Variants in DOC2A observed in about 807,000 individuals in gnomAD.
DOC2A encodes double C2-like domain-containing protein alpha.
Under a neutral mutation model 40.6 loss-of-function variants are expected in DOC2A, and 28 were observed. The ratio of observed to expected loss-of-function variants is 0.69; its 90% CI spans 0.51 to 0.95. The LOEUF (loss-of-function observed/expected upper bound fraction) is 0.95. Among genes scored for constraint, DOC2A ranks in the 40% least tolerant of loss-of-function variants. The pLI, the probability that DOC2A is intolerant of heterozygous loss-of-function variation, is 0.00. For missense variants in DOC2A, 474 were observed against 552.5 expected (o/e 0.86, Z 1.42); for synonymous variants, 241 against 236.9 (o/e 1.02, Z -0.16).
At chr16:30,021,870 AC>A (rs141039739), upstream of DOC2A, among the ~76,000 whole-genome samples, 342 of 133,390 alleles carry the variant, frequency 2.6e-3, no homozygotes, top group East Asian at 4.9e-3. Context: ...TCAGAGAGGA[AC>A]CCCCCCCCCA....
chr16:30,006,580 G>A lies in DOC2A; in HGVS notation c.960+16C>T, dbSNP rs199643195. ...CCTCCCTGGCCTCCCTCCATGTCCC[G>A]TCCCCTCCTGGGTACCTCGTTAAAT... On this transcript the variant is annotated intron_variant, in intron 9 of 10. Transcript: ENST00000350119. The surrounding 1 kb of genome is among the most constrained non-coding windows in gnomAD (Gnocchi z 6.2). The A allele has an allele frequency of 6.1e-5, 99 of 1,613,082 alleles. No individual in the cohort carries two copies. In the Middle Eastern group the frequency reaches 1.3e-3, roughly 21 times the overall value.
chr16:30,021,500 T>G (rs1567289635), upstream of DOC2A: 1 of 151,990 alleles, frequency 6.6e-6, no homozygotes, highest in African/African-American at 2.4e-5. Flanking sequence ...GAAACGGAGG[T>G]GCAGGGAGCG....
chr16:30,011,283 C>T, upstream of DOC2A: 1 of 972,620 alleles, frequency 1.0e-6, no homozygotes, highest in African/African-American at 1.8e-5. Flanking sequence ...CCCACGTGTG[C>T]ACGCTCACAC....
upstream of DOC2A, among the ~76,000 whole-genome samples, chr16:30,013,158 CAAAAAAA>C (rs1171077200): frequency 4.8e-4 from 19 of 39,184 alleles, no homozygotes; most frequent in South Asian, 1.3e-3. Context: ...CCTGTCTCTA[CAAAAAAA>C]AAAAAAAAAA....
rs1340778823 is a variant in DOC2A, at chr16:30,006,940, C to T, written c.723G>A (p.Gln241=). The part of the protein sequence containing the change: ...GISCYLKELE[Q]AEQGQGLLEE... ...CCAGCAGCCCCTGCCCCTGCTCCGC[C>T]TGCTCCAACTGCGGGGCACAGACTC... Residue 241 remains glutamine, a synonymous_variant, in exon 8 of 11, where the codon CAG becomes CAA. Coordinates refer to ENST00000350119, the MANE Select transcript of DOC2A (RefSeq NM_003586.3). The surrounding 1 kb of genome is among the most constrained non-coding windows in gnomAD (Gnocchi z 6.2). The T allele has an allele frequency of 6.2e-7, 1 of 1,613,448 alleles. No homozygotes were observed. Among genetic ancestry groups the T allele is most frequent in the Non-Finnish European group, 8.5e-7 (1 of 1,179,680 alleles).
Position 30,006,048 on chromosome 16 carries a change from A to G in DOC2A, c.*138T>C. ...TCCGCAGCCCCTCATGAGCAGACAGACCCGGGTCACGGAGACTCACAAAAA... is the reference window on the plus strand; with the variant it reads ...TCCGCAGCCCCTCATGAGCAGACAGGCCCGGGTCACGGAGACTCACAAAAA... On this transcript the variant is annotated 3_prime_UTR_variant, in exon 11 of 11. Transcript: ENST00000350119. This position sits in a 1 kb window ranked among gnomAD's most constrained non-coding sequence, Gnocchi z 6.2. 1.0e-6 allele frequency: 1 copy of G among 984,212 alleles called. No individual in the cohort carries two copies. Among genetic ancestry groups the G allele is most frequent in the Non-Finnish European group, 1.5e-6 (1 of 684,624 alleles). The allele number at this position is 984,212 out of a possible 1,614,324, so 61.0% of individuals were successfully genotyped here.
chr16:30,008,853 G>A (rs2070694819), intron 5 of DOC2A, 143 bp downstream of exon 5: 1 of 662,276 alleles, frequency 1.5e-6, no homozygotes. Flanking sequence ...ATTTTGGCCT[G>A]CTGCCAAAGG....
Position 30,009,645 on chromosome 16 carries a change from T to C in DOC2A, c.263-88A>G. ...GGTGGGCACTGGCTCTGTGTGTCTC[T>C]CTCTCTTGCCAGCCCGCGAGTGTGA... On this transcript the variant is annotated intron_variant, in intron 2 of 10. Coordinates refer to ENST00000350119, the MANE Select transcript of DOC2A (RefSeq NM_003586.3). The surrounding 1 kb of genome is among the most constrained non-coding windows in gnomAD (Gnocchi z 4.1). 2.4e-6 allele frequency: 3 copies of C among 1,236,180 alleles called. No individual in the cohort carries two copies. The highest frequency in any genetic ancestry group is 2.3e-6 in the Non-Finnish European group (2 of 870,030). 76.6% of individuals were successfully genotyped at this position (1,236,180 alleles called of 1,614,324 possible).
chr16:30,011,469 C>A (rs1425614565), upstream of DOC2A: 6 of 963,742 alleles, frequency 6.2e-6, no homozygotes, highest in Non-Finnish European at 7.4e-6. Context: ...CGCGCGGCCA[C>A]GGCGCCTCCC....
Position 30,006,491 on chromosome 16 carries a change from C to T in DOC2A, c.979G>A (p.Glu327Lys). The T allele has an allele frequency of 6.2e-7, 1 of 1,613,830 alleles. No individual in the cohort carries two copies. The highest frequency in any genetic ancestry group is 8.5e-7 in the Non-Finnish European group (1 of 1,179,940). Residue 327 changes from glutamate to lysine, a missense_variant, in exon 10 of 11, where the codon GAG becomes AAG. Physicochemically the swap from Glu to Lys is moderately conservative, Grantham distance 56 (BLOSUM62 1). Transcript: ENST00000350119. The surrounding 1 kb of genome is among the most constrained non-coding windows in gnomAD (Gnocchi z 6.2). ...GTCTTGGTGGCCAGAGTGGAGAGCT[C>T]TATCTCGTAGAAAAACTCCTAGGGA... is the stretch of plus-strand genomic sequence containing the variant. Reference protein sequence around the residue: ...EFNEEFFYEIELSTLATKTLE... With the variant: ...EFNEEFFYEIKLSTLATKTLE...
At chr16:30,012,626 G>C (rs1231138483), upstream of DOC2A, 20 of 149,266 alleles carry the variant, frequency 1.3e-4, no homozygotes, top group Admixed American at 1.3e-3. Flanking sequence ...GGACTGCGGC[G>C]AGAGGATCGC....
chr16:30,016,033 ATATATATATATATATATATATATTT>A (rs2070850708), upstream of DOC2A, among the ~76,000 whole-genome samples: 1 of 58,978 alleles, frequency 1.7e-5, no homozygotes, highest in African/African-American at 1.1e-4. Flanking sequence ...ATATATATAT[ATATATATATATATATATATATATTT>A]TTTTTTTTTT....
chr16:30,005,713 T>G lies in DOC2A; in HGVS notation c.*473A>C. 1.9e-6 allele frequency: 1 copy of G among 524,750 alleles called. No individual in the cohort carries two copies. Among genetic ancestry groups the G allele is most frequent in the Non-Finnish European group, 3.3e-6 (1 of 299,430 alleles). 32.5% of individuals were successfully genotyped at this position (524,750 alleles called of 1,614,324 possible). Reference sequence around the variant, plus strand: ...TGCTGGGGAGGCAGAGACCCTGCAATGGCCACCTCTTTAAAAGGGCAGCTG... The same window carrying G: ...TGCTGGGGAGGCAGAGACCCTGCAAGGGCCACCTCTTTAAAAGGGCAGCTG... On this transcript the variant is annotated 3_prime_UTR_variant, in exon 11 of 11. Coordinates refer to ENST00000350119, the MANE Select transcript of DOC2A (RefSeq NM_003586.3).
chr16:30,016,155 G>T (rs1236314347), upstream of DOC2A, among the ~76,000 whole-genome samples: 2 of 139,810 alleles, frequency 1.4e-5, no homozygotes, highest in African/African-American at 2.8e-5. Flanking sequence ...CACCTCCCAG[G>T]TTCAAGCCTC....
At chr16:30,013,390 C>G (rs1451905932), upstream of DOC2A, 1 of 149,668 alleles carries the variant, frequency 6.7e-6, no homozygotes, top group African/African-American at 2.5e-5. Flanking sequence ...CTCAGCCTCC[C>G]GGGTAGCTGG....
chr16:30,016,045 ATATATATATATTT>A (rs2070852358), upstream of DOC2A, among the ~76,000 whole-genome samples: 2 of 22,824 alleles, frequency 8.8e-5, no homozygotes, highest in African/African-American at 2.9e-4. Flanking sequence ...ATATATATAT[ATATATATATATTT>A]TTTTTTTTTT....
At position 30,009,544 on chromosome 16, in the gene DOC2A, C is replaced by A. The variant is rs552369466; in HGVS notation, c.276G>T (p.Thr92=). The change falls in exon 3 of 11, where the codon ACG becomes ACT. Residue 92 remains threonine (T), a synonymous_variant. Coordinates refer to ENST00000350119, the MANE Select transcript of DOC2A (RefSeq NM_003586.3). The surrounding 1 kb of genome is among the most constrained non-coding windows in gnomAD (Gnocchi z 4.1). ...YDSDDATALG[T]LEFDLLYDRA... The stretch of plus-strand genomic sequence containing the variant: ...GGTCGTAGAGAAGGTCAAACTCCAG[C>A]GTGCCTAGGGCGGCTGGAGAGAGAG... 1 of 1,551,324 alleles carries A rather than the reference C, an allele frequency of 6.4e-7. No individual in the cohort carries two copies. Among genetic ancestry groups the A allele is most frequent in the African/African-American group, 1.4e-5 (1 of 73,134 alleles).
At position 30,010,340 on chromosome 16, in the gene DOC2A, C is replaced by T; in HGVS notation, c.-13-105G>A. Reference sequence around the variant, plus strand: ...TGTGGGGCCCTCACTGGCCTCCCTTCCTAGGTGTCGAGGGAGAGGGTGGTG... The same window carrying T: ...TGTGGGGCCCTCACTGGCCTCCCTTTCTAGGTGTCGAGGGAGAGGGTGGTG... On this transcript the variant is annotated intron_variant, in intron 1 of 10. Coordinates refer to ENST00000350119, the MANE Select transcript of DOC2A (RefSeq NM_003586.3). This position sits in a 1 kb window ranked among gnomAD's most constrained non-coding sequence, Gnocchi z 4.2. The T allele has an allele frequency of 6.7e-7, 1 of 1,489,690 alleles. No individual in the cohort carries two copies. The highest frequency in any genetic ancestry group is 1.4e-5 in the African/African-American group (1 of 72,698). The allele number at this position is 1,489,690 out of a possible 1,614,324, so 92.3% of individuals were successfully genotyped here.
At chr16:30,008,125 G>C (rs1250484418) in intron 5 of DOC2A, 6 of 153,200 alleles carry the variant, frequency 3.9e-5, no homozygotes, top group African/African-American at 1.4e-4. Flanking sequence ...CAAGCACAAA[G>C]GCAGAGGTCT....
Sources: allele counts gnomAD v4.1 joint callset (sites outside exome capture counted in the v4.1 genomes callset), GRCh38; gene constraint gnomAD v4.1.1; non-coding constraint Gnocchi (gnomAD v3.1); transcripts MANE v1.5; gene names NCBI Gene and HGNC (gene_info 2026-07-23, HGNC 2026-07-21).